Variants in PALLD observed in about 807,000 individuals in gnomAD.
PALLD encodes the protein palladin, cytoskeletal associated protein, also known as palladin.
A neutral mutation model predicts 123.5 loss-of-function variants in PALLD; 61 were observed. That is an observed-to-expected ratio of 0.49 (90% CI 0.40 to 0.61). PALLD has a LOEUF of 0.61. Among genes scored for constraint, PALLD ranks in the 20% least tolerant of loss-of-function variants. The probability of loss-of-function intolerance (pLI) is 0.00; values close to 1 mark genes in which losing one functional copy is unlikely to be tolerated. For missense variants in PALLD, 1,273 were observed against 1,377.0 expected, an observed-to-expected ratio of 0.92 and a Z score of 1.20; for synonymous variants, 465 against 496.4, an observed-to-expected ratio of 0.94 and a Z score of 0.84.
chr4:168,721,248 C>T (rs1301729716), intron 10 of PALLD, among the ~76,000 whole-genome samples: 1 of 152,056 alleles, frequency 6.6e-6, no homozygotes, highest in East Asian at 1.9e-4. Context: ...TTAGTAATTA[C>T]AAAGTAAGGT....
At chr4:168,885,872 A>T (rs1753266377) in intron 10 of PALLD, among the ~76,000 whole-genome samples, 1 of 152,250 alleles carries the variant, frequency 6.6e-6, no homozygotes, top group African/African-American at 2.4e-5. Context: ...CAAATAATGC[A>T]TGTGTCACCA....
intron 2 of PALLD, among the ~76,000 whole-genome samples, chr4:168,549,911 G>C (rs539800304): frequency 6.6e-6 from 1 of 152,122 alleles, no homozygotes; most frequent in Non-Finnish European, 1.5e-5. Context: ...AAATGAAGAA[G>C]TTTATGATGG....
rs144662287 is a variant in PALLD at position 168,624,646 on chromosome 4, T to C, written c.909-43544T>C. Among the ~76,000 whole-genome samples the C allele has an allele frequency of 3.2e-3, 492 of 152,306 alleles. 3 individuals are homozygous for C. Among genetic ancestry groups the C allele is most frequent in the African/African-American group, 0.011 (452 of 41,578 alleles). Reference sequence around the variant, plus strand: ...AAAAGTATAAAAATTGGAGAGCAGATGGTTAATCTTTATTTTTAGATTACA... The same window carrying C: ...AAAAGTATAAAAATTGGAGAGCAGACGGTTAATCTTTATTTTTAGATTACA... On this transcript the variant is annotated intron_variant, in intron 2 of 21. Transcript: ENST00000505667.
chr4:168,531,823 A>T (rs773345766), intron 2 of PALLD, among the ~76,000 whole-genome samples: 2 of 152,198 alleles, frequency 1.3e-5, no homozygotes, highest in African/African-American at 2.4e-5. Flanking sequence ...CCCTGAAGTA[A>T]ATCCTTTCCT....
At chr4:168,576,304 G>GTA (rs1769578155) in intron 2 of PALLD, among the ~76,000 whole-genome samples, 1 of 151,532 alleles carries the variant, frequency 6.6e-6, no homozygotes, top group African/African-American at 2.4e-5. Context: ...AGTTACATAT[G>GTA]TACATGTGCC....
intron 6 of PALLD, among the ~76,000 whole-genome samples, chr4:168,685,810 G>GAAAAAAAAAAAAAAAAAAAAAA (rs70961550): frequency 3.0e-5 from 2 of 65,632 alleles, no homozygotes; most frequent in African/African-American, 5.8e-5. Context: ...AAGACAGATA[G>GAAAAAAAAAAAAAAAAAAAAAA]AAAAAAAAAA....
intron 2 of PALLD, among the ~76,000 whole-genome samples, chr4:168,580,444 A>G (rs1184207585): frequency 6.6e-6 from 1 of 152,140 alleles, no homozygotes. Flanking sequence ...CACACCAGTC[A>G]GAATGGCTAC....
At chr4:168,818,777 C>A (rs953244013) in intron 10 of PALLD, among the ~76,000 whole-genome samples, 1 of 152,082 alleles carries the variant, frequency 6.6e-6, no homozygotes, top group African/African-American at 2.4e-5. Context: ...CTTATCTCAA[C>A]AATGCAATAT....
chr4:168,782,413 CAG>C (rs1272583372), intron 10 of PALLD, among the ~76,000 whole-genome samples: 2 of 152,126 alleles, frequency 1.3e-5, no homozygotes, highest in African/African-American at 4.8e-5. Flanking sequence ...AAACAATGAA[CAG>C]AATGTTTCCT....
In PALLD at chr4:168,878,061, C is replaced by A. The variant is rs755431325; in HGVS notation, c.1965-12861C>A. The A allele has an allele frequency of 7.5e-6, 11 of 1,475,144 alleles. No homozygotes were observed. The highest frequency in any genetic ancestry group is 9.8e-6 in the Non-Finnish European group (11 of 1,119,708). The allele number at this position is 1,475,144 out of a possible 1,614,324, so 91.4% of individuals were successfully genotyped here. On this transcript the variant is annotated intron_variant, in intron 10 of 21. Transcript: ENST00000505667. ...AGCCTCCCGTCGCCCATGTCCCCGACGCCGAGGCAGTTCGGCCGCGCCCCC... is the reference window on the plus strand; with the variant it reads ...AGCCTCCCGTCGCCCATGTCCCCGAAGCCGAGGCAGTTCGGCCGCGCCCCC...
At chr4:168,686,664 ATCT>A (rs1782090066) in intron 6 of PALLD, 1 of 152,338 alleles carries the variant, frequency 6.6e-6, no homozygotes, top group Non-Finnish European at 1.5e-5. Context: ...GGTCATGCTA[ATCT>A]TCTCTGTATC....
chr4:168,796,670 A>G (rs1328972842), intron 10 of PALLD, among the ~76,000 whole-genome samples: 1 of 152,210 alleles, frequency 6.6e-6, no homozygotes, highest in Non-Finnish European at 1.5e-5. Flanking sequence ...TCTTCTGTAA[A>G]TGTTACAGAA....
intron 10 of PALLD, among the ~76,000 whole-genome samples, chr4:168,885,035 AAAAC>A (rs758212098): frequency 1.3e-4 from 20 of 152,342 alleles, no homozygotes; most frequent in Middle Eastern, 3.4e-3. Context: ...TGGTTAAAAC[AAAAC>A]AAACAAACAA....
chr4:168,579,523 A>G (rs563963051), intron 2 of PALLD, among the ~76,000 whole-genome samples: 82 of 152,234 alleles, frequency 5.4e-4, no homozygotes, highest in Non-Finnish European at 9.1e-4. Flanking sequence ...AGTTAGGTAA[A>G]CAAGCATATA....
At chr4:168,507,232 T>C (rs1762095495) in intron 1 of PALLD, 1 of 169,134 alleles carries the variant, frequency 5.9e-6, no homozygotes. Flanking sequence ...ACCAGTCATC[T>C]GGTTGTTGAG....
At chr4:168,710,560 G>A (rs1784737402) in intron 9 of PALLD, among the ~76,000 whole-genome samples, 1 of 152,078 alleles carries the variant, frequency 6.6e-6, no homozygotes, top group South Asian at 2.1e-4. Flanking sequence ...ACTTATTTAG[G>A]GACCTTAGAG....
chr4:168,592,190 A>G (rs1332566980), intron 2 of PALLD, among the ~76,000 whole-genome samples: 1 of 151,696 alleles, frequency 6.6e-6, no homozygotes, highest in Non-Finnish European at 1.5e-5. Context: ...GTAAGATTTG[A>G]TAGATATGGG....
In PALLD at chr4:168,785,815, G is replaced by A. The variant is rs114916520; in HGVS notation, c.1964+73892G>A. On this transcript the variant is annotated intron_variant, in intron 10 of 21. Coordinates refer to ENST00000505667, the MANE Select transcript of PALLD (RefSeq NM_001166108.2). The stretch of plus-strand genomic sequence containing the variant: ...TAGCTGGCTTTAAAATAAAGGGAGA[G>A]GGGACAGAGTCAGTTCTAATAAACT... 2.3e-3 allele frequency among the ~76,000 whole-genome samples: 308 copies of A among 135,644 alleles called. 1 individual carries two copies. The highest frequency in any genetic ancestry group is 7.0e-3 in the African/African-American group (263 of 37,816). 89.0% of individuals were successfully genotyped at this position (135,644 alleles called of 152,430 possible).
At chr4:168,760,214 C>G (rs868478320) in intron 10 of PALLD, among the ~76,000 whole-genome samples, 2 of 152,112 alleles carry the variant, frequency 1.3e-5, no homozygotes, top group Non-Finnish European at 1.5e-5. Context: ...AGACTCTGCC[C>G]TCCTCATCTT....
Sources: allele counts gnomAD v4.1 joint callset (sites outside exome capture counted in the v4.1 genomes callset), GRCh38; gene constraint gnomAD v4.1.1; transcripts MANE v1.5; gene names NCBI Gene and HGNC (gene_info 2026-07-23, HGNC 2026-07-21).